Variants in ABCA13 observed in about 807,000 individuals in gnomAD.
The protein encoded by ABCA13 is ATP-binding cassette sub-family A member 13.
Under a neutral mutation model 478.7 loss-of-function variants are expected in ABCA13, and 476 were observed. The ratio of observed to expected loss-of-function variants is 0.99; its 90% CI spans 0.92 to 1.07. The LOEUF (loss-of-function observed/expected upper bound fraction) is 1.07. Ranked by LOEUF, ABCA13 falls within the 50% of genes least tolerant of loss-of-function variation. The pLI, the probability that ABCA13 is intolerant of heterozygous loss-of-function variation, is 0.00. For synonymous variants in ABCA13, 2,252 were observed against 2,158.9 expected (o/e 1.04, Z -1.20); for missense variants, 6,060 against 5,910.6 (o/e 1.03, Z -0.83).
At chr7:48,329,558 C>T (rs572067537) in intron 27 of ABCA13, among the ~76,000 whole-genome samples, 1 of 152,208 alleles carries the variant, frequency 6.6e-6, no homozygotes, top group Middle Eastern at 3.4e-3. Flanking sequence ...TCCTCCCATC[C>T]GTCCATCCAT....
chr7:48,644,807 C>G (rs558651952), intron 61 of ABCA13, 53 bp downstream of exon 61: 18 of 1,456,540 alleles, frequency 1.2e-5, no homozygotes, highest in Non-Finnish European at 1.6e-5. Context: ...TTCATCAGAC[C>G]TAATGTAGCC....
At chr7:48,422,720 C>A (rs151149763) in intron 41 of ABCA13, among the ~76,000 whole-genome samples, 3 of 152,312 alleles carry the variant, frequency 2.0e-5, no homozygotes, top group Non-Finnish European at 2.9e-5. Flanking sequence ...CGTCCACGTC[C>A]TTATCACTGA....
At chr7:48,497,187 T>C (rs893872284) in intron 48 of ABCA13, among the ~76,000 whole-genome samples, 6 of 152,158 alleles carry the variant, frequency 3.9e-5, no homozygotes, top group Admixed American at 1.3e-4. Flanking sequence ...CTCGAGTCCA[T>C]GCAGTCTCTT....
At chr7:48,596,592 C>T (rs986440759) in intron 58 of ABCA13, among the ~76,000 whole-genome samples, 2 of 152,054 alleles carry the variant, frequency 1.3e-5, no homozygotes, top group Non-Finnish European at 2.9e-5. Flanking sequence ...GGGCGGATCA[C>T]GAGGTCAGGA....
intron 54 of ABCA13, among the ~76,000 whole-genome samples, chr7:48,526,072 C>T (rs1832873217): frequency 6.6e-6 from 1 of 152,026 alleles, no homozygotes; most frequent in African/African-American, 2.4e-5. Flanking sequence ...TACAGTCAAA[C>T]AAGGTAGGAC....
At chr7:48,350,391 T>C (rs1477727182) in intron 29 of ABCA13, among the ~76,000 whole-genome samples, 1 of 152,208 alleles carries the variant, frequency 6.6e-6, no homozygotes, top group Non-Finnish European at 1.5e-5. Flanking sequence ...GTATTACCCT[T>C]TGTGCTTTAA....
chr7:48,463,295 G>T (rs1161682015), intron 43 of ABCA13, among the ~76,000 whole-genome samples: 1 of 152,164 alleles, frequency 6.6e-6, no homozygotes, highest in Non-Finnish European at 1.5e-5. Context: ...ACGAAGTTCC[G>T]AATCAAAGCA....
chr7:48,474,284 T>C (rs1021877465), intron 45 of ABCA13, among the ~76,000 whole-genome samples: 1 of 152,040 alleles, frequency 6.6e-6, no homozygotes, highest in Non-Finnish European at 1.5e-5. Flanking sequence ...ACCCTTTTCA[T>C]AGGGGAAGGA....
At chr7:48,223,976 A>G (rs202159146) in intron 5 of ABCA13, among the ~76,000 whole-genome samples, 19 of 129,918 alleles carry the variant, frequency 1.5e-4, no homozygotes, top group South Asian at 4.7e-4. Flanking sequence ...AAAAAAAAAA[A>G]AGAGAGAGAG....
At chr7:48,389,318 A>T (rs866541469) in intron 37 of ABCA13, 98 bp downstream of exon 37, 2 of 1,380,428 alleles carry the variant, frequency 1.4e-6, no homozygotes, top group South Asian at 1.4e-5. Flanking sequence ...TCCTTTTTTT[A>T]AAATTTTGAG....
In ABCA13 at chr7:48,587,996, C is replaced by T. The variant is rs1362783426; in HGVS notation, c.14640+708C>T. On this transcript the variant is annotated intron_variant, in intron 57 of 61. Transcript: ENST00000435803. Reference sequence around the variant, plus strand: ...ATCAGTAGAGTGCATCTTTGGACTTCACACCAGTAGAGAGTCTGAGGGGTG... The same window carrying T: ...ATCAGTAGAGTGCATCTTTGGACTTTACACCAGTAGAGAGTCTGAGGGGTG... Among the ~76,000 whole-genome samples the T allele has an allele frequency of 3.9e-5, 6 of 152,304 alleles. No homozygotes were observed. In the East Asian group the frequency reaches 1.2e-3, roughly 29 times the overall value.
At chr7:48,613,512 C>CTCTTTTCCT (rs1431783353) in intron 58 of ABCA13, among the ~76,000 whole-genome samples, 1 of 151,702 alleles carries the variant, frequency 6.6e-6, no homozygotes, top group Admixed American at 6.6e-5. Flanking sequence ...TGCTAGTTTG[C>CTCTTTTCCT]TGTGTTAAGA....
At chr7:48,603,458 A>G (rs1402056854) in intron 58 of ABCA13, among the ~76,000 whole-genome samples, 1 of 152,130 alleles carries the variant, frequency 6.6e-6, no homozygotes, top group Non-Finnish European at 1.5e-5. Flanking sequence ...AATTTTGTCG[A>G]AGGCTTTTTC....
intron 27 of ABCA13, among the ~76,000 whole-genome samples, chr7:48,330,491 C>T (rs1053791458): frequency 3.3e-5 from 5 of 149,980 alleles, no homozygotes; most frequent in African/African-American, 7.4e-5. Context: ...ATCCGTCCAT[C>T]CATCCATCCA....
In ABCA13 at chr7:48,556,691, G is replaced by A. The variant is rs150061402; in HGVS notation, c.14355-23533G>A. On this transcript the variant is annotated intron_variant, in intron 55 of 61. Coordinates refer to ENST00000435803, the MANE Select transcript of ABCA13 (RefSeq NM_152701.5). ...CCATCCCTTTATTTTCAGTCTATGT[G>A]TATTTTTATAGGAAAAATGTATTTC... 1.7e-3 allele frequency among the ~76,000 whole-genome samples: 260 copies of A among 151,858 alleles called. 1 individual carries two copies. The highest frequency in any genetic ancestry group is 6.1e-3 in the African/African-American group (253 of 41,472).
intron 2 of ABCA13, among the ~76,000 whole-genome samples, chr7:48,197,715 T>C (rs1798123669): frequency 1.3e-5 from 2 of 151,890 alleles, no homozygotes; most frequent in South Asian, 2.1e-4. Flanking sequence ...TATTTTGTAG[T>C]GACATTTGTT....
chr7:48,185,475 A>G (rs1172554264), intron 1 of ABCA13, among the ~76,000 whole-genome samples: 4 of 152,166 alleles, frequency 2.6e-5, no homozygotes, highest in Non-Finnish European at 5.9e-5. Flanking sequence ...ACAAACAAAA[A>G]CCTTTTGGAA....
rs17060 is a variant in ABCA13, at chr7:48,198,227, C to T, written c.164-10C>T. 0.16 allele frequency: 254,443 copies of T among 1,604,844 alleles called. 22,083 individuals are homozygous for T. Among genetic ancestry groups the T allele is most frequent in the East Asian group, 0.36 (16,080 of 44,670 alleles). On this transcript the variant is annotated splice_polypyrimidine_tract_variant and intron_variant, in intron 2 of 61. Coordinates refer to ENST00000435803, the MANE Select transcript of ABCA13 (RefSeq NM_152701.5). The stretch of plus-strand genomic sequence containing the variant: ...ATACGGACTCATTTCTTCTTTGCAT[C>T]TATTTCTAGGTTATTTGCAGCCCCG...
rs1407804686 is a variant in ABCA13, at chr7:48,277,330, A to C, written c.6900-764A>C. Among the ~76,000 whole-genome samples, 3 of 152,312 alleles carry C rather than the reference A, an allele frequency of 2.0e-5. No individual in the cohort carries two copies. In the East Asian group the frequency reaches 5.8e-4, roughly 29 times the overall value. On this transcript the variant is annotated intron_variant, in intron 17 of 61. Coordinates refer to ENST00000435803, the MANE Select transcript of ABCA13 (RefSeq NM_152701.5). ...AGGAAGGAAGACCAGGGGAAGGGAGAGCCACTGACTATGAATACCCAGCAG... is the reference window on the plus strand; with the variant it reads ...AGGAAGGAAGACCAGGGGAAGGGAGCGCCACTGACTATGAATACCCAGCAG...
Sources: allele counts gnomAD v4.1 joint callset (sites outside exome capture counted in the v4.1 genomes callset), GRCh38; gene constraint gnomAD v4.1.1; transcripts MANE v1.5; gene names NCBI Gene and HGNC (gene_info 2026-07-23, HGNC 2026-07-21).